Variants in EFNB2 observed in about 807,000 individuals in gnomAD.
The protein encoded by EFNB2 is ephrin B2.
EFNB2 carries 5 observed loss-of-function variants against 32.1 expected under a neutral mutation model. The ratio of observed to expected loss-of-function variants is 0.16; its 90% CI spans 0.08 to 0.33. The LOEUF is 0.33. Among genes scored for constraint, EFNB2 ranks in the 10% least tolerant of loss-of-function variants. The pLI is 1.00. For missense variants in EFNB2, 263 were observed against 422.6 expected, an observed-to-expected ratio of 0.62 and a Z score of 3.31; for synonymous variants, 168 against 166.5, an observed-to-expected ratio of 1.01 and a Z score of -0.07.
chr13:106,523,659 G>C (rs1040371213), intron 1 of EFNB2, among the ~76,000 whole-genome samples: 1 of 152,132 alleles, frequency 6.6e-6, no homozygotes, highest in Non-Finnish European at 1.5e-5. Context: ...AATATTCACC[G>C]CCTGGCTTCC....
Position 106,512,699 on chromosome 13 carries a change from T to C in EFNB2, c.236A>G (p.Tyr79Cys). ...TVGQYEYYKV[Y>C]MVDKDQADRC... Reference sequence around the variant, plus strand: ...GTCTGCTTGGTCTTTATCAACCATATAAACTTTATAATATTCATACTGGCC... The same window carrying C: ...GTCTGCTTGGTCTTTATCAACCATACAAACTTTATAATATTCATACTGGCC... Residue 79 changes from tyrosine (Y) to cysteine (C), a missense_variant, in exon 2 of 5, where the codon TAT (tyrosine) becomes TGT (cysteine). Physicochemically the swap from Tyr to Cys is radical, Grantham distance 194. Coordinates refer to ENST00000646441, the MANE Select transcript of EFNB2 (RefSeq NM_004093.4). 6.2e-7 allele frequency: 1 copy of C among 1,613,866 alleles called. No homozygotes were observed.
intron 1 of EFNB2, chr13:106,519,782 G>A (rs976466372): frequency 5.9e-5 from 9 of 152,264 alleles, no homozygotes; most frequent in Middle Eastern, 3.4e-3. Flanking sequence ...GCAATAAATA[G>A]TCAATGCTTT....
intron 1 of EFNB2, among the ~76,000 whole-genome samples, chr13:106,514,407 C>CT (rs1345241992): frequency 7.2e-5 from 11 of 152,148 alleles, no homozygotes. Flanking sequence ...ATTTCATCTT[C>CT]TTTATGGACA....
intron 1 of EFNB2, among the ~76,000 whole-genome samples, chr13:106,534,391 G>T (rs941429712): frequency 6.6e-6 from 1 of 152,152 alleles, no homozygotes; most frequent in African/African-American, 2.4e-5. Flanking sequence ...CCAGCGTCCT[G>T]CCACCCCGGT....
chr13:106,503,292 T>C (rs1476201964), intron 2 of EFNB2, among the ~76,000 whole-genome samples: 1 of 152,204 alleles, frequency 6.6e-6, no homozygotes, highest in Non-Finnish European at 1.5e-5. Context: ...AAAAAGCTTT[T>C]CTTCTAGTAT....
intron 1 of EFNB2, among the ~76,000 whole-genome samples, chr13:106,532,246 A>G (rs1214974399): frequency 1.3e-5 from 2 of 152,152 alleles, no homozygotes; most frequent in Admixed American, 1.3e-4. Flanking sequence ...TAAAGTAGTT[A>G]CGGAGACGCT....
At chr13:106,512,866 T>C in intron 1 of EFNB2, 54 bp from the exon 2 acceptor site, 1 of 1,453,300 alleles carries the variant, frequency 6.9e-7, no homozygotes, top group South Asian at 1.5e-5. Context: ...ACAGTATTAA[T>C]GACAGTTACA....
At chr13:106,532,079 C>CAAAAAAA (rs1404488142) in intron 1 of EFNB2, among the ~76,000 whole-genome samples, 1 of 41,838 alleles carries the variant, frequency 2.4e-5, no homozygotes, top group African/African-American at 6.3e-5. Context: ...AAAAAAAAAC[C>CAAAAAAA]AAAACTTTAA....
Position 106,495,498 on chromosome 13 carries a change from T to TTATC in EFNB2, c.499+246_499+249dup, listed in dbSNP as rs66616530. On this transcript the variant is annotated intron_variant, in intron 3 of 4. Coordinates refer to ENST00000646441, the MANE Select transcript of EFNB2 (RefSeq NM_004093.4). Reference sequence around the variant, plus strand: ...ATCTATCTATCTATCTATCTATCTATTATCTATCTATCTATCTATCTATCT... The same window carrying TTATC: ...ATCTATCTATCTATCTATCTATCTATTATCTATCTATCTATCTATCTATCTATCT... Among the ~76,000 whole-genome samples the TTATC allele has an allele frequency of 9.7e-3, 1,411 of 144,898 alleles. 6 individuals carry two copies. Among genetic ancestry groups the TTATC allele is most frequent in the Non-Finnish European group, 0.011 (716 of 67,672 alleles).
In EFNB2 at chr13:106,490,890, C is replaced by T. The variant is rs1001955350; in HGVS notation, c.*2150G>A. On this transcript the variant is annotated 3_prime_UTR_variant, in exon 5 of 5. Transcript: ENST00000646441. ...GAGGATCATAATTTCTGTGACAACT[C>T]ATTTTTGCAGGTACTCACTGGAGGT... 5 of 152,532 alleles carry T rather than the reference C, an allele frequency of 3.3e-5. No individual in the cohort carries two copies. The highest frequency in any genetic ancestry group is 5.9e-5 in the Non-Finnish European group (4 of 68,032). The allele number at this position is 152,532 out of a possible 1,614,324, so 9.4% of individuals were successfully genotyped here.
intron 2 of EFNB2, among the ~76,000 whole-genome samples, chr13:106,497,700 C>T (rs1878638287): frequency 6.6e-6 from 1 of 152,060 alleles, no homozygotes; most frequent in Non-Finnish European, 1.5e-5. Flanking sequence ...AGTCCCCCAC[C>T]TCACGACAGG....
chr13:106,498,464 A>G (rs1291640964), intron 2 of EFNB2, among the ~76,000 whole-genome samples: 2 of 152,132 alleles, frequency 1.3e-5, no homozygotes, highest in Non-Finnish European at 2.9e-5. Flanking sequence ...CTGAATATCA[A>G]TGCTTTTGTG....
At chr13:106,515,511 GA>G (rs1879283226) in intron 1 of EFNB2, among the ~76,000 whole-genome samples, 1 of 152,114 alleles carries the variant, frequency 6.6e-6, no homozygotes, top group South Asian at 2.1e-4. Flanking sequence ...TCACCTTTCA[GA>G]ACACACTGTG....
At chr13:106,517,507 C>T (rs1230225400) in intron 1 of EFNB2, 1 of 152,196 alleles carries the variant, frequency 6.6e-6, no homozygotes, top group African/African-American at 2.4e-5. Flanking sequence ...AGAGCAGGCT[C>T]TCTACTATCT....
In EFNB2 at chr13:106,503,748, T is replaced by C. The variant is rs541223362; in HGVS notation, c.407-7908A>G. On this transcript the variant is annotated intron_variant, in intron 2 of 4. Coordinates refer to ENST00000646441, the MANE Select transcript of EFNB2 (RefSeq NM_004093.4). ...TCTTTCCTTGTATATAAGCCCCCAA[T>C]AAAACCCCATGTCTTGAAAAAAAAA... Among the ~76,000 whole-genome samples, 4 of 150,968 alleles carry C rather than the reference T, an allele frequency of 2.6e-5. No individual in the cohort carries two copies. The East Asian group carries it at 7.8e-4, about 29-fold the overall frequency.
intron 2 of EFNB2, chr13:106,510,102 T>C (rs1433895306): frequency 6.6e-6 from 1 of 152,186 alleles, no homozygotes; most frequent in African/African-American, 2.4e-5. Flanking sequence ...GGCTACCATA[T>C]GCTTTTGCAT....
chr13:106,522,473 T>C (rs1879556373), intron 1 of EFNB2, among the ~76,000 whole-genome samples: 1 of 152,172 alleles, frequency 6.6e-6, no homozygotes, highest in African/African-American at 2.4e-5. Flanking sequence ...TAGATATGAG[T>C]GTTCAAATCC....
intron 1 of EFNB2, among the ~76,000 whole-genome samples, chr13:106,525,257 A>C (rs1016058890): frequency 6.6e-6 from 1 of 152,234 alleles, no homozygotes; most frequent in African/African-American, 2.4e-5. Context: ...CCAGCTAATA[A>C]ATGGCTAAAC....
intron 2 of EFNB2, among the ~76,000 whole-genome samples, chr13:106,505,719 T>C (rs1407470369): frequency 6.6e-6 from 1 of 152,248 alleles, no homozygotes; most frequent in African/African-American, 2.4e-5. Context: ...TCTTTCATTC[T>C]TGTACTAGGT....
Sources: gnomAD v4.1 joint callset for allele counts (sites outside exome capture counted in the v4.1 genomes callset) on GRCh38, gnomAD v4.1.1 for gene constraint, MANE v1.5 for transcripts, NCBI Gene and HGNC (gene_info 2026-07-23, HGNC 2026-07-21) for gene names.